The following OSER1 variants were observed in gnomAD, a reference collection of about 807,000 sequenced individuals.
OSER1 encodes the protein oxidative stress-responsive serine-rich protein 1.
Under a neutral mutation model 26.3 loss-of-function variants are expected in OSER1, and 15 were observed. That is an observed-to-expected ratio of 0.57 (90% CI 0.38 to 0.88). The LOEUF is 0.88. Ranked by LOEUF, OSER1 falls within the 40% of genes least tolerant of loss-of-function variation. The pLI, the probability that OSER1 is intolerant of heterozygous loss-of-function variation, is 0.00. For missense variants in OSER1, 313 were observed against 353.9 expected (o/e 0.88, Z 0.93); for synonymous variants, 127 against 128.2 (o/e 0.99, Z 0.07).
intron 2 of OSER1, among the ~76,000 whole-genome samples, chr20:44,204,930 C>T (rs1395129461): frequency 6.6e-6 from 1 of 151,980 alleles, no homozygotes; most frequent in Non-Finnish European, 1.5e-5. Context: ...GTCCAGCTCC[C>T]GGGCTCAAGT....
intron 1 of OSER1, among the ~76,000 whole-genome samples, chr20:44,208,166 G>C (rs934718867): frequency 1.1e-4 from 13 of 115,528 alleles, no homozygotes; most frequent in African/African-American, 3.3e-4. Context: ...CCTCTCCAAC[G>C]GCCCTTGGGT....
At chr20:44,210,395 G>A (rs544264563) in intron 1 of OSER1, among the ~76,000 whole-genome samples, 2 of 152,366 alleles carry the variant, frequency 1.3e-5, no homozygotes, top group African/African-American at 4.8e-5. Flanking sequence ...GGGCGGCCAA[G>A]GAGGGCGAAA....
chr20:44,201,881 G>C (rs1477198038), intron 3 of OSER1, among the ~76,000 whole-genome samples: 1 of 151,860 alleles, frequency 6.6e-6, no homozygotes, highest in Non-Finnish European at 1.5e-5. Context: ...GGTAAGGTGG[G>C]AAAAAAATAG....
chr20:44,206,273 T>C (rs1461925944), intron 2 of OSER1, among the ~76,000 whole-genome samples: 1 of 152,184 alleles, frequency 6.6e-6, no homozygotes, highest in Non-Finnish European at 1.5e-5. Context: ...ATTAAAAATG[T>C]TGATTTATTT....
At chr20:44,211,048 G>A (rs1047572021), upstream of OSER1, 3 of 152,428 alleles carry the variant, frequency 2.0e-5, no homozygotes, top group Non-Finnish European at 4.4e-5. Context: ...ACCCGCTTTT[G>A]GGGCGTGCCT....
chr20:44,211,306 A>G (rs1250317250), upstream of OSER1: 3 of 152,266 alleles, frequency 2.0e-5, no homozygotes, highest in Non-Finnish European at 4.4e-5. Flanking sequence ...GGACTCGGAC[A>G]CCAGCCCTCG....
At chr20:44,205,398 T>C (rs1163085461) in intron 2 of OSER1, among the ~76,000 whole-genome samples, 1 of 152,222 alleles carries the variant, frequency 6.6e-6, no homozygotes, top group Non-Finnish European at 1.5e-5. Flanking sequence ...AACTGGCAAG[T>C]TGACCATATT....
intron 2 of OSER1, among the ~76,000 whole-genome samples, chr20:44,203,402 G>A (rs999398508): frequency 6.6e-5 from 10 of 152,068 alleles, no homozygotes; most frequent in African/African-American, 2.2e-4. Flanking sequence ...TATCTTATGC[G>A]GGCAAACCAG....
At chr20:44,206,766 T>C (rs1478786618) in intron 2 of OSER1, 115 bp downstream of exon 2, 1 of 589,194 alleles carries the variant, frequency 1.7e-6, no homozygotes, top group African/African-American at 1.9e-5. Flanking sequence ...TATTAGCATT[T>C]ATATCTTCTT....
At chr20:44,199,838 G>A (rs559124237) in intron 3 of OSER1, among the ~76,000 whole-genome samples, 17 of 152,332 alleles carry the variant, frequency 1.1e-4, no homozygotes, top group African/African-American at 3.6e-4. Context: ...AGTTTCAGGC[G>A]TCCACTGGGG....
At chr20:44,205,204 C>T (rs1208118468) in intron 2 of OSER1, among the ~76,000 whole-genome samples, 2 of 152,136 alleles carry the variant, frequency 1.3e-5, no homozygotes, top group African/African-American at 4.8e-5. Flanking sequence ...GTTACTTATA[C>T]AAAATTACAC....
chr20:44,203,696 ACACACAC>A (rs2073008878), intron 2 of OSER1, among the ~76,000 whole-genome samples: 7 of 118,286 alleles, frequency 5.9e-5, no homozygotes, highest in African/African-American at 1.9e-4. Flanking sequence ...GACTTTTTTC[ACACACAC>A]ACACACACAC....
chr20:44,197,492 C>G lies in OSER1; in HGVS notation c.439G>C (p.Val147Leu). ...GGAACAGAAGTTCTCAAAGGCTCAA[C>G]GACTGCCCCTGTGTGATTAGCATCG... ...SLDANHTGAV[V>L]EPLRTSVPRL... is the part of the protein sequence containing the mutation. Residue 147 changes from valine to leucine, a missense_variant, in exon 4 of 4, where the codon GTT becomes CTT. Val to Leu is a conservative substitution (Grantham distance 32). Coordinates refer to ENST00000255174, the MANE Select transcript of OSER1 (RefSeq NM_016470.8). 1 of 1,614,174 alleles carries G rather than the reference C, an allele frequency of 6.2e-7. No individual in the cohort carries two copies. Among genetic ancestry groups the G allele is most frequent in the Non-Finnish European group, 8.5e-7 (1 of 1,180,014 alleles).
At chr20:44,200,670 A>G (rs990028676) in intron 3 of OSER1, among the ~76,000 whole-genome samples, 1 of 152,242 alleles carries the variant, frequency 6.6e-6, no homozygotes, top group Non-Finnish European at 1.5e-5. Flanking sequence ...TTTTATAGAC[A>G]TAATGACCAA....
Position 44,197,719 on chromosome 20 carries a change from C to T in OSER1, c.212G>A (p.Arg71Gln), listed in dbSNP as rs562498505. 1 of 1,612,096 alleles carries T rather than the reference C, an allele frequency of 6.2e-7. No individual in the cohort carries two copies. Among genetic ancestry groups the T allele is most frequent in the East Asian group, 2.2e-5 (1 of 44,854 alleles). The change falls in exon 4 of 4, where the codon CGA becomes CAA. Residue 71 changes from arginine (R) to glutamine (Q), a missense_variant. By Grantham distance (43) the Arg-to-Gln change is conservative. This residue lies in a region of OSER1 where 300 missense variants were observed against 318.3 expected (regional missense o/e 0.94). Coordinates refer to ENST00000255174, the MANE Select transcript of OSER1 (RefSeq NM_016470.8). ...ACGACGCTGAGTTCTCACTGCTCCT[C>T]GTGAAGACTTCCTTGTAGACCTAAA... ...SWHGSTRKSS[R>Q]GAVRTQRRRR...
chr20:44,205,848 G>A (rs892873498), intron 2 of OSER1, among the ~76,000 whole-genome samples: 4 of 151,114 alleles, frequency 2.6e-5, no homozygotes, highest in African/African-American at 7.3e-5. Flanking sequence ...GCTGAGGCAG[G>A]AGAATGGCGT....
rs145793182 is a variant in OSER1 at position 44,198,521 on chromosome 20, A to G, written c.192-782T>C. The stretch of plus-strand genomic sequence containing the variant: ...GTAGTCCCAGATACTTGGGAGGCTG[A>G]GGCAGGAGAATGGCGTGAATCTGGG... On this transcript the variant is annotated intron_variant, in intron 3 of 3. Transcript: ENST00000255174. Among the ~76,000 whole-genome samples the G allele has an allele frequency of 8.2e-3, 1,255 of 152,280 alleles. 23 individuals are homozygous for G. The highest frequency in any genetic ancestry group is 0.027 in the African/African-American group (1,102 of 41,542).
At chr20:44,202,920 A>T in intron 3 of OSER1, 41 bp downstream of exon 3, 1 of 1,145,216 alleles carries the variant, frequency 8.7e-7, no homozygotes, top group Non-Finnish European at 1.3e-6. Context: ...CAATACTATT[A>T]TAATATTGGA....
intron 3 of OSER1, among the ~76,000 whole-genome samples, chr20:44,201,612 T>C (rs1342531049): frequency 6.6e-6 from 1 of 152,164 alleles, no homozygotes; most frequent in Non-Finnish European, 1.5e-5. Context: ...TAAAACCTAG[T>C]CTGTGAGATT....
Sources: allele counts gnomAD v4.1 joint callset (sites outside exome capture counted in the v4.1 genomes callset), GRCh38; gene constraint gnomAD v4.1.1; regional missense constraint gnomAD v4.1.1; transcripts MANE v1.5; gene names NCBI Gene and HGNC (gene_info 2026-07-23, HGNC 2026-07-21).